Variants in NSD3 observed in about 807,000 individuals in gnomAD.
NSD3 encodes histone-lysine N-methyltransferase NSD3.
NSD3 carries 24 observed loss-of-function variants against 160.8 expected under a neutral mutation model. The ratio of observed to expected loss-of-function variants is 0.15; its 90% CI spans 0.11 to 0.21. NSD3 has a LOEUF of 0.21. Ranked by LOEUF, NSD3 falls within the 10% of genes least tolerant of loss-of-function variation. The pLI is 1.00. For synonymous variants in NSD3, 520 were observed against 600.0 expected, an observed-to-expected ratio of 0.87 and a Z score of 1.95; for missense variants, 1,157 against 1,735.9, an observed-to-expected ratio of 0.67 and a Z score of 5.93.
intron 1 of NSD3, among the ~76,000 whole-genome samples, chr8:38,353,231 C>A (rs991653219): frequency 2.6e-5 from 4 of 152,092 alleles, no homozygotes; most frequent in Non-Finnish European, 2.9e-5. Context: ...GATTAGCATA[C>A]CATATTTACT....
intron 2 of NSD3, among the ~76,000 whole-genome samples, chr8:38,339,867 A>G (rs1357895929): frequency 6.6e-6 from 1 of 152,200 alleles, no homozygotes; most frequent in African/African-American, 2.4e-5. Context: ...TATCCAAAAC[A>G]AGAAAATCTA....
intron 2 of NSD3, among the ~76,000 whole-genome samples, chr8:38,346,237 G>A (rs933439653): frequency 6.8e-6 from 1 of 147,804 alleles, no homozygotes; most frequent in Admixed American, 6.8e-5. Flanking sequence ...ATGTATATGT[G>A]TGTACATAAG....
chr8:38,279,432 T>A, intron 21 of NSD3, 108 bp downstream of exon 21: 5 of 1,305,994 alleles, frequency 3.8e-6, no homozygotes, highest in Non-Finnish European at 5.2e-6. Context: ...ACCTTCCTCT[T>A]ATTTAAATAA....
At position 38,299,473 on chromosome 8, in the gene NSD3, G is replaced by A. The variant is rs766760275; in HGVS notation, c.2729C>T (p.Ser910Leu). 2 of 1,612,564 alleles carry A rather than the reference G, an allele frequency of 1.2e-6. No individual in the cohort carries two copies. The highest frequency in any genetic ancestry group is 1.7e-5 in the Admixed American group (1 of 59,668). The stretch of plus-strand genomic sequence containing the variant: ...CTCACATTTCTTTTTGGAAGCTGAC[G>A]AAGAAGGAATCATAGGTAATTTCAT... ...ELMKLPMIPS[S>L]SASKKKCEKG... Residue 910 changes from serine (S) to leucine (L), a missense_variant, in exon 15 of 24, where the codon TCG (serine) becomes TTG (leucine). Physicochemically the swap from Ser to Leu is moderately radical, Grantham distance 145. Coordinates refer to ENST00000317025, the MANE Select transcript of NSD3 (RefSeq NM_023034.2).
intron 19 of NSD3, among the ~76,000 whole-genome samples, chr8:38,286,849 A>G (rs1808870772): frequency 6.6e-6 from 1 of 152,098 alleles, no homozygotes; most frequent in African/African-American, 2.4e-5. Flanking sequence ...ACACACCTTC[A>G]TGGCTTTCTA....
chr8:38,336,389 T>C (rs1451762619), intron 4 of NSD3, among the ~76,000 whole-genome samples: 1 of 152,252 alleles, frequency 6.6e-6, no homozygotes, highest in Non-Finnish European at 1.5e-5. Flanking sequence ...TAGAATTGTC[T>C]TTCTTAATTT....
rs898149086 is a variant in NSD3, at chr8:38,382,089, G to C, written c.-335C>G. Reference sequence around the variant, plus strand: ...GGGAGGCCGAGGGACGGGGGTCGCCGCGCCGCCGCTGCTGCCAGAGAGGAG... The same window carrying C: ...GGGAGGCCGAGGGACGGGGGTCGCCCCGCCGCCGCTGCTGCCAGAGAGGAG... On this transcript the variant is annotated 5_prime_UTR_variant, in exon 1 of 24. Coordinates refer to ENST00000317025, the MANE Select transcript of NSD3 (RefSeq NM_023034.2). The surrounding 1 kb of genome is among the most constrained non-coding windows in gnomAD (Gnocchi z 4.2). The C allele has an allele frequency of 6.5e-6, 1 of 152,722 alleles. No homozygotes were observed. The highest frequency in any genetic ancestry group is 6.5e-5 in the Admixed American group (1 of 15,284). 9.5% of individuals were successfully genotyped at this position (152,722 alleles called of 1,614,324 possible).
intron 12 of NSD3, among the ~76,000 whole-genome samples, chr8:38,314,426 G>A (rs1809607755): frequency 6.6e-6 from 1 of 152,032 alleles, no homozygotes; most frequent in Non-Finnish European, 1.5e-5. Flanking sequence ...AATTCATCTT[G>A]GTAATTTGAC....
chr8:38,323,005 C>T (rs550309572), intron 7 of NSD3, among the ~76,000 whole-genome samples: 1 of 152,330 alleles, frequency 6.6e-6, no homozygotes, highest in African/African-American at 2.4e-5. Flanking sequence ...AAACTTCAAA[C>T]AAGCTCAAAG....
intron 2 of NSD3, among the ~76,000 whole-genome samples, chr8:38,346,602 G>A (rs911044334): frequency 6.6e-6 from 1 of 151,836 alleles, no homozygotes; most frequent in Non-Finnish European, 1.5e-5. Context: ...ACTATAAAAA[G>A]TGAGAAAACA....
At chr8:38,315,359 T>C in intron 11 of NSD3, 57 bp downstream of exon 11, 1 of 1,483,766 alleles carries the variant, frequency 6.7e-7, no homozygotes, top group Non-Finnish European at 8.9e-7. Flanking sequence ...GTTAAGTCTA[T>C]TACTGGCAGA....
intron 1 of NSD3, among the ~76,000 whole-genome samples, chr8:38,348,805 C>T (rs556840666): frequency 1.3e-5 from 2 of 152,056 alleles, no homozygotes; most frequent in Non-Finnish European, 2.9e-5. Context: ...GGGACTCAGG[C>T]ATGCACCACC....
Position 38,321,499 on chromosome 8 carries a change from T to C in NSD3, c.1709-327A>G, listed in dbSNP as rs1363992628. 2.6e-5 allele frequency among the ~76,000 whole-genome samples: 4 copies of C among 152,276 alleles called. No individual in the cohort carries two copies. The South Asian group carries it at 8.3e-4, about 32-fold the overall frequency. ...CATAAACATCTTTAGGTAAATATAATTAGGGAATGAAGGGACTGAAGGATG... is the reference window on the plus strand; with the variant it reads ...CATAAACATCTTTAGGTAAATATAACTAGGGAATGAAGGGACTGAAGGATG... On this transcript the variant is annotated intron_variant, in intron 7 of 23. Transcript: ENST00000317025. This position sits in a 1 kb window ranked among gnomAD's most constrained non-coding sequence, Gnocchi z 4.7.
At chr8:38,300,375 C>A (rs1809251069) in intron 14 of NSD3, among the ~76,000 whole-genome samples, 1 of 151,938 alleles carries the variant, frequency 6.6e-6, no homozygotes. Flanking sequence ...GCTTTTGTGC[C>A]CAGGCTGGTC....
Position 38,318,418 on chromosome 8 carries a change from G to A in NSD3, c.1855+477C>T, listed in dbSNP as rs1467420386. 6.6e-6 allele frequency among the ~76,000 whole-genome samples: 1 copy of A among 152,060 alleles called. No homozygotes were observed. Among genetic ancestry groups the A allele is most frequent in the Non-Finnish European group, 1.5e-5 (1 of 68,028 alleles). The stretch of plus-strand genomic sequence containing the variant: ...ATTCGCATAAGGTCATCTAATAGTG[G>A]CCATAAATGCTATGAATCATTTTAA... On this transcript the variant is annotated intron_variant, in intron 9 of 23. Transcript: ENST00000317025. This position sits in a 1 kb window ranked among gnomAD's most constrained non-coding sequence, Gnocchi z 5.3.
At chr8:38,298,407 G>A (rs1452647164) in intron 15 of NSD3, among the ~76,000 whole-genome samples, 1 of 152,084 alleles carries the variant, frequency 6.6e-6, no homozygotes, top group African/African-American at 2.4e-5. Flanking sequence ...TGTTCCAATC[G>A]ACTTGCTTAG....
chr8:38,343,165 C>G (rs1332497098), intron 2 of NSD3, among the ~76,000 whole-genome samples: 1 of 151,810 alleles, frequency 6.6e-6, no homozygotes, highest in Admixed American at 6.6e-5. Flanking sequence ...CCACTGTACT[C>G]CAGCCTGGGT....
chr8:38,359,286 A>C (rs796290599), intron 1 of NSD3, among the ~76,000 whole-genome samples: 1 of 152,200 alleles, frequency 6.6e-6, no homozygotes, highest in Non-Finnish European at 1.5e-5. Context: ...TAGTACATAC[A>C]TATTTTTAAA....
chr8:38,367,946 T>A (rs981036293), intron 1 of NSD3, among the ~76,000 whole-genome samples: 46 of 152,208 alleles, frequency 3.0e-4, no homozygotes, highest in African/African-American at 8.2e-4. Flanking sequence ...TAACTTTTTT[T>A]AAACTTTTCT....
Sources: allele counts gnomAD v4.1 joint callset (sites outside exome capture counted in the v4.1 genomes callset), GRCh38; gene constraint gnomAD v4.1.1; non-coding constraint Gnocchi (gnomAD v3.1); transcripts MANE v1.5; gene names NCBI Gene and HGNC (gene_info 2026-07-23, HGNC 2026-07-21).